The following PCDH15 variants were observed in gnomAD, a reference collection of about 807,000 sequenced individuals.
PCDH15 encodes protocadherin related 15.
PCDH15 carries 129 observed loss-of-function variants against 178.5 expected under a neutral mutation model. The ratio of observed to expected loss-of-function variants is 0.72; its 90% confidence interval spans 0.63 to 0.84. The LOEUF (loss-of-function observed/expected upper bound fraction) is 0.84, where lower values mean the gene tolerates loss of function less well. Among genes scored for constraint, PCDH15 ranks in the 40% least tolerant of loss-of-function variants. The pLI is 0.00. For missense variants in PCDH15, 2,230 were observed against 2,099.9 expected (o/e 1.06, Z -1.21); for synonymous variants, 800 against 732.0 (o/e 1.09, Z -1.50).
At chr10:54,024,880 C>T (rs1462468049) in intron 18 of PCDH15, among the ~76,000 whole-genome samples, 1 of 152,068 alleles carries the variant, frequency 6.6e-6, no homozygotes, top group African/African-American at 2.4e-5. Context: ...TTTTTTTGGT[C>T]TGAAATTACT....
At chr10:54,846,744 A>T (rs1953525663) in intron 3 of PCDH15, among the ~76,000 whole-genome samples, 1 of 152,168 alleles carries the variant, frequency 6.6e-6, no homozygotes, top group Non-Finnish European at 1.5e-5. Flanking sequence ...GTAACCAATT[A>T]TTAAGCCAAA....
At chr10:54,541,536 C>A (rs1236890264) in intron 2 of PCDH15, among the ~76,000 whole-genome samples, 1 of 152,064 alleles carries the variant, frequency 6.6e-6, no homozygotes, top group Non-Finnish European at 1.5e-5. Flanking sequence ...TCTAAAAGCT[C>A]TTTACATGGT....
chr10:54,839,153 T>A (rs766135983), intron 3 of PCDH15, among the ~76,000 whole-genome samples: 12 of 152,074 alleles, frequency 7.9e-5, no homozygotes, highest in Non-Finnish European at 1.3e-4. Context: ...ATACCACCAA[T>A]AGAAACTAAT....
At chr10:54,436,011 G>A (rs2891525) in intron 3 of PCDH15, among the ~76,000 whole-genome samples, 49 of 58,056 alleles carry the variant, frequency 8.4e-4, no homozygotes, top group African/African-American at 4.5e-3. Context: ...GAAGAGGAGA[G>A]GAGAGGAGAG....
At chr10:55,086,070 A>T (rs1335777844) in intron 2 of PCDH15, among the ~76,000 whole-genome samples, 1 of 151,690 alleles carries the variant, frequency 6.6e-6, no homozygotes, top group African/African-American at 2.4e-5. Flanking sequence ...TTTAATATGT[A>T]TTATTTTTAT....
intron 9 of PCDH15, among the ~76,000 whole-genome samples, chr10:54,225,300 C>G (rs2053312229): frequency 6.6e-6 from 1 of 152,134 alleles, no homozygotes; most frequent in Non-Finnish European, 1.5e-5. Context: ...ACGTTCATAT[C>G]TGTTATTTAA....
chr10:53,862,346 G>T (rs767153936), intron 27 of PCDH15, among the ~76,000 whole-genome samples: 2 of 151,892 alleles, frequency 1.3e-5, no homozygotes, highest in Admixed American at 1.3e-4. Flanking sequence ...CAACACACCC[G>T]GCCATTGTAC....
At chr10:54,231,049 A>C (rs1476622478) in intron 9 of PCDH15, among the ~76,000 whole-genome samples, 2 of 152,196 alleles carry the variant, frequency 1.3e-5, no homozygotes. Context: ...ACACAATTAG[A>C]AGCAGAAATT....
In PCDH15 at chr10:54,184,304, A is replaced by G. The variant is rs143960793; in HGVS notation, c.1441-711T>C. ...AGGCTTCTCCAGAAATAATTTCTAC[A>G]TATCTTGTTTAACTTGTGCTTTCTC... On this transcript the variant is annotated intron_variant, in intron 12 of 37. Coordinates refer to ENST00000644397, the MANE Select transcript of PCDH15 (RefSeq NM_001384140.1). Among the ~76,000 whole-genome samples, 1,225 of 152,178 alleles carry G rather than the reference A, an allele frequency of 8.0e-3. 17 individuals carry two copies. Among genetic ancestry groups the G allele is most frequent in the African/African-American group, 0.028 (1,145 of 41,520 alleles).
rs727503366 is a variant in PCDH15 at position 53,995,748 on chromosome 10, A to G, written c.2769T>C (p.Pro923=). 6.2e-7 allele frequency: 1 copy of G among 1,613,800 alleles called. No individual in the cohort carries two copies. The highest frequency in any genetic ancestry group is 1.7e-5 in the Admixed American group (1 of 60,012). The change falls in exon 21 of 38, where the codon CCT becomes CCC. Residue 923 remains proline, a synonymous_variant. Transcript: ENST00000644397. Reference sequence around the variant, plus strand: ...TGTATATTCGTTTACTAAAGACAGGAGGATAATCATTCATATCCTGTAAAA... The same window carrying G: ...TGTATATTCGTTTACTAAAGACAGGGGGATAATCATTCATATCCTGTAAAA... ...TVIVKDMNDY[P]PVFSKRIYKG...
chr10:54,385,079 G>A (rs1414436397), intron 3 of PCDH15, among the ~76,000 whole-genome samples: 1 of 151,984 alleles, frequency 6.6e-6, no homozygotes, highest in Non-Finnish European at 1.5e-5. Context: ...CAGAGAGAAA[G>A]GTCACATCAT....
At chr10:54,419,147 G>A (rs1004827190) in intron 3 of PCDH15, among the ~76,000 whole-genome samples, 202 of 149,794 alleles carry the variant, frequency 1.3e-3, no homozygotes, top group Non-Finnish European at 1.7e-3. Context: ...TTGTTAGAAT[G>A]CCATTAAATA....
Position 53,943,510 on chromosome 10 carries a change from C to A in PCDH15, c.3123-2535G>T, listed in dbSNP as rs545982163. Among the ~76,000 whole-genome samples the A allele has an allele frequency of 5.2e-4, 78 of 150,536 alleles. 2 individuals are homozygous for A. In the South Asian group the frequency reaches 7.6e-3, roughly 15 times the overall value. On this transcript the variant is annotated intron_variant, in intron 23 of 37. Coordinates refer to ENST00000644397, the MANE Select transcript of PCDH15 (RefSeq NM_001384140.1). ...AAAACAAACAAACAAACAAAAAAAA[C>A]AAAACAGAAAAGAAAAATGCTATGT...
intron 3 of PCDH15, among the ~76,000 whole-genome samples, chr10:54,497,406 T>C (rs182834482): frequency 6.6e-6 from 1 of 152,298 alleles, no homozygotes; most frequent in Non-Finnish European, 1.5e-5. Flanking sequence ...TTTTTACTTC[T>C]AAATGACTGC....
intron 2 of PCDH15, among the ~76,000 whole-genome samples, chr10:55,568,774 T>C (rs144446878): frequency 6.6e-6 from 1 of 152,200 alleles, no homozygotes; most frequent in Non-Finnish European, 1.5e-5. Context: ...TTGAGTCATC[T>C]GCACAGATCC....
chr10:54,343,193 C>T (rs1942580805), intron 6 of PCDH15, among the ~76,000 whole-genome samples: 1 of 152,120 alleles, frequency 6.6e-6, no homozygotes. Flanking sequence ...ACTAAAATCT[C>T]ATGTTGAATT....
At chr10:55,371,418 G>T (rs754066522) in intron 2 of PCDH15, among the ~76,000 whole-genome samples, 2 of 152,100 alleles carry the variant, frequency 1.3e-5, no homozygotes, top group Admixed American at 6.6e-5. Flanking sequence ...CACTGCAATA[G>T]TGATATGATT....
intron 2 of PCDH15, among the ~76,000 whole-genome samples, chr10:55,616,452 C>A (rs1248595172): frequency 2.7e-5 from 4 of 149,892 alleles, no homozygotes; most frequent in African/African-American, 9.9e-5. Context: ...TTACATCTTT[C>A]AATTTTAGAA....
intron 8 of PCDH15, among the ~76,000 whole-genome samples, chr10:54,304,110 C>A (rs184210561): frequency 4.6e-5 from 7 of 152,088 alleles, no homozygotes; most frequent in African/African-American, 1.4e-4. Flanking sequence ...CATATTTATT[C>A]TTTGATTATC....
Sources: gnomAD v4.1 joint callset for allele counts (sites outside exome capture counted in the v4.1 genomes callset) on GRCh38, gnomAD v4.1.1 for gene constraint, MANE v1.5 for transcripts, NCBI Gene and HGNC (gene_info 2026-07-23, HGNC 2026-07-21) for gene names.